The following MICU1 variants were observed in gnomAD, a reference collection of about 807,000 sequenced individuals.
The protein encoded by MICU1 is calcium uptake protein 1, mitochondrial.
In MICU1, 45 loss-of-function variants were observed where a neutral mutation model predicts 56.8. That is an observed-to-expected ratio of 0.79 (90% CI 0.62 to 1.02). MICU1 has a LOEUF of 1.02. MICU1 is among the 50% of genes least tolerant of loss of function. The probability of loss-of-function intolerance (pLI) is 0.00; values close to 1 mark genes in which losing one functional copy is unlikely to be tolerated. For missense variants in MICU1, 504 were observed against 587.1 expected, an observed-to-expected ratio of 0.86 and a Z score of 1.46; for synonymous variants, 186 against 195.1, an observed-to-expected ratio of 0.95 and a Z score of 0.39.
intron 3 of MICU1, among the ~76,000 whole-genome samples, chr10:72,552,335 GGA>G (rs2132446590): frequency 6.6e-6 from 1 of 151,984 alleles, no homozygotes; most frequent in South Asian, 2.1e-4. Flanking sequence ...TTCTGCACAT[GGA>G]ACATACAAAA....
intron 4 of MICU1, among the ~76,000 whole-genome samples, chr10:72,544,261 G>A (rs1046353460): frequency 2.0e-5 from 3 of 152,152 alleles, no homozygotes; most frequent in Non-Finnish European, 2.9e-5. Flanking sequence ...CACTCAGGGA[G>A]CTCGGTTTTT....
At chr10:72,533,418 C>T (rs1475868570) in intron 5 of MICU1, among the ~76,000 whole-genome samples, 2 of 152,042 alleles carry the variant, frequency 1.3e-5, no homozygotes, top group East Asian at 1.9e-4. Flanking sequence ...ATCAGGGAAG[C>T]GTTTTGTAAT....
intron 6 of MICU1, among the ~76,000 whole-genome samples, chr10:72,481,182 A>C (rs938997013): frequency 6.6e-6 from 1 of 152,194 alleles, no homozygotes; most frequent in African/African-American, 2.4e-5. Context: ...GTCAAAGCAT[A>C]TGGGACAAAC....
chr10:72,539,769 G>A (rs1483806674), intron 4 of MICU1, among the ~76,000 whole-genome samples: 3 of 152,076 alleles, frequency 2.0e-5, no homozygotes, highest in Non-Finnish European at 4.4e-5. Context: ...AGCACAAAGA[G>A]ACAATAATTT....
intron 4 of MICU1, among the ~76,000 whole-genome samples, chr10:72,548,768 C>T (rs1305838697): frequency 6.6e-6 from 1 of 152,220 alleles, no homozygotes; most frequent in Non-Finnish European, 1.5e-5. Flanking sequence ...ACAATCTTGG[C>T]TCACTGCAAC....
intron 7 of MICU1, 35 bp from the exon 8 acceptor site, chr10:72,475,332 T>C (rs1450803637): frequency 6.6e-6 from 10 of 1,519,620 alleles, no homozygotes; most frequent in Non-Finnish European, 8.0e-6. Context: ...CAGAAAAATA[T>C]TAGGAAGTGA....
At chr10:72,614,631 A>C (rs970092786) in intron 1 of MICU1, among the ~76,000 whole-genome samples, 1 of 152,242 alleles carries the variant, frequency 6.6e-6, no homozygotes, top group Non-Finnish European at 1.5e-5. Context: ...GATGAACCTG[A>C]AGGATACTAT....
intron 3 of MICU1, among the ~76,000 whole-genome samples, chr10:72,557,218 T>C (rs924463697): frequency 1.2e-4 from 19 of 152,292 alleles, no homozygotes; most frequent in Admixed American, 7.8e-4. Flanking sequence ...CTCACTAAGA[T>C]ACAACCCACA....
In MICU1 at chr10:72,400,894, C is replaced by T. The variant is rs192553297; in HGVS notation, c.1180+7035G>A. On this transcript the variant is annotated intron_variant, in intron 10 of 11. Transcript: ENST00000361114. ...ACACACACACACACACACACACACA[C>T]ACACACACACCCTATATGATATCAT... Among the ~76,000 whole-genome samples, 371 of 151,924 alleles carry T rather than the reference C, an allele frequency of 2.4e-3. 1 individual carries two copies. Among genetic ancestry groups the T allele is most frequent in the Middle Eastern group, 6.8e-3 (2 of 294 alleles).
intron 8 of MICU1, among the ~76,000 whole-genome samples, chr10:72,467,562 C>T (rs188502675): frequency 0.023 from 3,563 of 151,624 alleles, 61 homozygotes; most frequent in Non-Finnish European, 0.037. Flanking sequence ...TCAGGTGATC[C>T]GCCTGCCTCA....
intron 9 of MICU1, among the ~76,000 whole-genome samples, chr10:72,417,453 CAA>C (rs869171199): frequency 2.0e-4 from 13 of 66,418 alleles, no homozygotes; most frequent in Non-Finnish European, 9.0e-5. Flanking sequence ...GACTCCGTCT[CAA>C]AAAAAAAAAA....
At chr10:72,384,097 G>A (rs1862809022) in intron 10 of MICU1, among the ~76,000 whole-genome samples, 1 of 152,198 alleles carries the variant, frequency 6.6e-6, no homozygotes, top group Admixed American at 6.5e-5. Context: ...GGGCTCAAAT[G>A]ATCCTCCCGC....
chr10:72,589,552 A>G (rs1208280041), intron 1 of MICU1, among the ~76,000 whole-genome samples: 2 of 152,144 alleles, frequency 1.3e-5, no homozygotes, highest in African/African-American at 4.8e-5. Context: ...AAAAACAAAC[A>G]TGGAAAAATA....
intron 1 of MICU1, among the ~76,000 whole-genome samples, chr10:72,603,536 G>C (rs754399428): frequency 6.6e-6 from 1 of 151,718 alleles, no homozygotes; most frequent in Non-Finnish European, 1.5e-5. Flanking sequence ...CATGTAAGTC[G>C]CCCAGGCACA....
intron 8 of MICU1, among the ~76,000 whole-genome samples, chr10:72,470,574 C>G (rs1220787605): frequency 2.6e-5 from 4 of 152,126 alleles, no homozygotes; most frequent in Non-Finnish European, 5.9e-5. Flanking sequence ...ACTACCACAG[C>G]AATAGCCACT....
At chr10:72,420,731 G>A (rs1864131047) in intron 9 of MICU1, among the ~76,000 whole-genome samples, 1 of 151,480 alleles carries the variant, frequency 6.6e-6, no homozygotes, top group Non-Finnish European at 1.5e-5. Context: ...CTGGAGTGCA[G>A]TAGCATGATC....
At chr10:72,441,765 C>T (rs1476541529) in intron 8 of MICU1, among the ~76,000 whole-genome samples, 2 of 151,610 alleles carry the variant, frequency 1.3e-5, no homozygotes, top group Non-Finnish European at 2.9e-5. Context: ...TACAGGCATG[C>T]ACCACTATGC....
intron 8 of MICU1, among the ~76,000 whole-genome samples, chr10:72,431,803 A>G (rs1589213612): frequency 1.3e-5 from 2 of 152,312 alleles, no homozygotes; most frequent in African/African-American, 2.4e-5. Flanking sequence ...TTCCAGAAAA[A>G]TGTATCAATT....
intron 8 of MICU1, among the ~76,000 whole-genome samples, chr10:72,428,549 G>A (rs542824074): frequency 1.6e-4 from 24 of 152,096 alleles, no homozygotes; most frequent in Non-Finnish European, 3.1e-4. Context: ...CCTGACATCA[G>A]GTGATCCACC....
Sources: gnomAD v4.1 joint callset for allele counts (sites outside exome capture counted in the v4.1 genomes callset) on GRCh38, gnomAD v4.1.1 for gene constraint, MANE v1.5 for transcripts, NCBI Gene and HGNC (gene_info 2026-07-23, HGNC 2026-07-21) for gene names.